NRCAM: variants seen among roughly 807,000 people sequenced by gnomAD.
NRCAM encodes neuronal cell adhesion molecule.
A neutral mutation model predicts 156.5 loss-of-function variants in NRCAM; 83 were observed. The ratio of observed to expected loss-of-function variants is 0.53; its 90% CI spans 0.44 to 0.64. The LOEUF (loss-of-function observed/expected upper bound fraction) is 0.64, where lower values mean the gene tolerates loss of function less well. Among genes scored for constraint, NRCAM ranks in the 30% least tolerant of loss-of-function variants. The pLI is 0.00. For missense variants in NRCAM, 1,417 were observed against 1,597.3 expected (o/e 0.89, Z 1.92); for synonymous variants, 538 against 563.9 (o/e 0.95, Z 0.65).
chr7:108,434,898 C>T (rs888521677), intron 1 of NRCAM, among the ~76,000 whole-genome samples: 1 of 152,008 alleles, frequency 6.6e-6, no homozygotes, highest in African/African-American at 2.4e-5. Context: ...ACAATAGCAA[C>T]AGCTACAAAT....
In NRCAM at chr7:108,349,988, C is replaced by A. The variant is rs555888873; in HGVS notation, c.-173-37257G>T. ...AGGCATTCCCTACCTTTCCTCACATCGGTGATCACGCTTCACCCAAAATGG... is the reference window on the plus strand; with the variant it reads ...AGGCATTCCCTACCTTTCCTCACATAGGTGATCACGCTTCACCCAAAATGG... On this transcript the variant is annotated intron_variant, in intron 2 of 32. Coordinates refer to ENST00000379028, the MANE Select transcript of NRCAM (RefSeq NM_001037132.4). 2.0e-5 allele frequency among the ~76,000 whole-genome samples: 3 copies of A among 152,288 alleles called. No individual in the cohort carries two copies. In the South Asian group the frequency reaches 6.2e-4, roughly 32 times the overall value.
In NRCAM at chr7:108,212,038, T is replaced by C. The variant is rs539275748; in HGVS notation, c.891-2433A>G. Among the ~76,000 whole-genome samples, 34 of 152,296 alleles carry C rather than the reference T, an allele frequency of 2.2e-4. No homozygotes were observed. The South Asian group carries it at 6.8e-3, about 31-fold the overall frequency. ...CCACCAGAACAGGTGCTGGTATCTA[T>C]GGTGGAGAGGCCGATGGTTCACATC... On this transcript the variant is annotated intron_variant, in intron 11 of 32. Transcript: ENST00000379028.
intron 2 of NRCAM, among the ~76,000 whole-genome samples, chr7:108,335,582 A>G (rs899068621): frequency 6.6e-6 from 1 of 152,054 alleles, no homozygotes; most frequent in African/African-American, 2.4e-5. Context: ...CCTTAGATGC[A>G]GAAAATGCCT....
chr7:108,353,124 A>C lies in NRCAM; in HGVS notation c.-173-40393T>G, dbSNP rs1161882103. ...ATGGCCAACCCTGATCATACTTCTC[A>C]GAGATAATTCTTCTTGTTTCTTGTC... On this transcript the variant is annotated intron_variant, in intron 2 of 32. Coordinates refer to ENST00000379028, the MANE Select transcript of NRCAM (RefSeq NM_001037132.4). Among the ~76,000 whole-genome samples the C allele has an allele frequency of 2.0e-5, 3 of 151,398 alleles. No individual in the cohort carries two copies. The East Asian group carries it at 5.8e-4, about 29-fold the overall frequency.
intron 2 of NRCAM, among the ~76,000 whole-genome samples, chr7:108,368,600 G>T (rs1439867968): frequency 6.6e-6 from 1 of 152,132 alleles, no homozygotes; most frequent in Non-Finnish European, 1.5e-5. Flanking sequence ...CTCAAATGTT[G>T]CTATGGAATC....
rs201264188 is a variant in NRCAM at position 108,184,535 on chromosome 7, G to C, written c.2115C>G (p.Thr705=). 1 of 1,614,062 alleles carries C rather than the reference G, an allele frequency of 6.2e-7. No homozygotes were observed. Among genetic ancestry groups the C allele is most frequent in the Admixed American group, 1.7e-5 (1 of 60,016 alleles). Residue 705 remains threonine (T), a synonymous_variant, in exon 21 of 33, where the codon ACC becomes ACG. Transcript: ENST00000379028. The part of the protein sequence containing the change: ...HHQTEVSGTQ[T]TAQLKLSPYV... ...AAGGAGACAGCTTCAGCTGGGCTGTGGTCTGTGTTCCAGAAACTTCAGTTT... is the reference window on the plus strand; with the variant it reads ...AAGGAGACAGCTTCAGCTGGGCTGTCGTCTGTGTTCCAGAAACTTCAGTTT...
At chr7:108,237,924 G>C (rs2095238987) in intron 4 of NRCAM, among the ~76,000 whole-genome samples, 155 bp from the exon 5 acceptor site, 1 of 152,190 alleles carries the variant, frequency 6.6e-6, no homozygotes, top group South Asian at 2.1e-4. Context: ...TTGAATTTGT[G>C]AAGTTGCAAG....
At chr7:108,402,698 G>A (rs2099796271) in intron 1 of NRCAM, among the ~76,000 whole-genome samples, 2 of 152,148 alleles carry the variant, frequency 1.3e-5, no homozygotes, top group South Asian at 4.1e-4. Flanking sequence ...ATATTCTAAT[G>A]TTAACTTCCC....
chr7:108,191,954 A>T, intron 17 of NRCAM, 101 bp from the exon 18 acceptor site: 1 of 1,369,590 alleles, frequency 7.3e-7, no homozygotes, highest in South Asian at 1.4e-5. Context: ...ATAAAGGAGA[A>T]AGATGGTAAA....
At chr7:108,424,426 T>A in intron 1 of NRCAM, among the ~76,000 whole-genome samples, 1 of 152,202 alleles carries the variant, frequency 6.6e-6, no homozygotes, top group East Asian at 1.9e-4. Flanking sequence ...CTCAAACTGA[T>A]AATTACAGTG....
chr7:108,300,671 C>T (rs1308336188), intron 3 of NRCAM, among the ~76,000 whole-genome samples: 1 of 152,092 alleles, frequency 6.6e-6, no homozygotes, highest in Non-Finnish European at 1.5e-5. Context: ...AAATTTGTAT[C>T]AGATCTGGCT....
chr7:108,239,771 A>G (rs561971901), intron 4 of NRCAM, among the ~76,000 whole-genome samples, 188 bp downstream of exon 4: 2 of 152,314 alleles, frequency 1.3e-5, no homozygotes, highest in East Asian at 1.9e-4. Context: ...GAGTCTGACC[A>G]TTTCAATGGC....
chr7:108,311,141 A>G (rs1176579127), intron 3 of NRCAM, among the ~76,000 whole-genome samples: 1 of 152,204 alleles, frequency 6.6e-6, no homozygotes, highest in Non-Finnish European at 1.5e-5. Flanking sequence ...CACCATTTTT[A>G]CAAATAAACT....
At chr7:108,239,815 G>A (rs1589589660) in intron 4 of NRCAM, 144 bp downstream of exon 4, 5 of 535,460 alleles carry the variant, frequency 9.3e-6, no homozygotes, top group Non-Finnish European at 1.7e-5. Flanking sequence ...TAAACACCAG[G>A]TGCTGAAGGT....
At chr7:108,369,615 C>G (rs2099615917) in intron 2 of NRCAM, among the ~76,000 whole-genome samples, 1 of 152,052 alleles carries the variant, frequency 6.6e-6, no homozygotes, top group Non-Finnish European at 1.5e-5. Flanking sequence ...GACTTGCAGG[C>G]AATTTTATTT....
At chr7:108,276,811 A>C (rs1362914566) in intron 3 of NRCAM, among the ~76,000 whole-genome samples, 1 of 152,158 alleles carries the variant, frequency 6.6e-6, no homozygotes, top group Non-Finnish European at 1.5e-5. Context: ...CCATTAATTG[A>C]TGCAGTTTCT....
At position 108,425,154 on chromosome 7, in the gene NRCAM, T is replaced by C. The variant is rs1460420680; in HGVS notation, c.-331-25561A>G. Among the ~76,000 whole-genome samples the C allele has an allele frequency of 3.9e-5, 6 of 152,206 alleles. No homozygotes were observed. The East Asian group carries it at 1.2e-3, about 29-fold the overall frequency. On this transcript the variant is annotated intron_variant, in intron 1 of 32. Coordinates refer to ENST00000379028, the MANE Select transcript of NRCAM (RefSeq NM_001037132.4). ...AGATGTCATGGCTTTCATCAGATTT[T>C]TTAAAAGATTATGACCCAAAAGGTT... is the stretch of plus-strand genomic sequence containing the variant.
chr7:108,448,515 C>T (rs1249594854), intron 1 of NRCAM, among the ~76,000 whole-genome samples: 1 of 152,186 alleles, frequency 6.6e-6, no homozygotes, highest in Non-Finnish European at 1.5e-5. Context: ...TCAAATACTA[C>T]AATTTTTCCA....
intron 3 of NRCAM, among the ~76,000 whole-genome samples, chr7:108,310,949 G>A (rs1333100407): frequency 1.3e-5 from 2 of 152,092 alleles, no homozygotes; most frequent in Non-Finnish European, 2.9e-5. Context: ...TTTCAATCGA[G>A]TACCCTTCAC....
Sources: gnomAD v4.1 joint callset for allele counts (sites outside exome capture counted in the v4.1 genomes callset) on GRCh38, gnomAD v4.1.1 for gene constraint, MANE v1.5 for transcripts, NCBI Gene and HGNC (gene_info 2026-07-23, HGNC 2026-07-21) for gene names.